The following TPP2 variants were observed in gnomAD, a reference collection of about 807,000 sequenced individuals.
TPP2 encodes tripeptidyl-peptidase 2.
Under a neutral mutation model 155.9 loss-of-function variants are expected in TPP2, and 34 were observed. The ratio of observed to expected loss-of-function variants is 0.22; its 90% CI spans 0.17 to 0.29. The LOEUF is 0.29. TPP2 is among the 10% of genes least tolerant of loss of function. The pLI, the probability that TPP2 is intolerant of heterozygous loss-of-function variation, is 1.00. For synonymous variants in TPP2, 510 were observed against 529.4 expected, an observed-to-expected ratio of 0.96 and a Z score of 0.50; for missense variants, 1,028 against 1,522.3, an observed-to-expected ratio of 0.68 and a Z score of 5.40.
At chr13:102,617,812 C>T (rs984306127) in intron 4 of TPP2, among the ~76,000 whole-genome samples, 1 of 152,118 alleles carries the variant, frequency 6.6e-6, no homozygotes, top group African/African-American at 2.4e-5. Context: ...CTCAACACTC[C>T]CCTTGTATCA....
chr13:102,621,902 T>G (rs541780809), intron 5 of TPP2, among the ~76,000 whole-genome samples: 5 of 152,362 alleles, frequency 3.3e-5, no homozygotes, highest in African/African-American at 1.2e-4. Context: ...TTTTACCCAC[T>G]AATCTCAAGC....
chr13:102,638,396 A>G, intron 15 of TPP2, 81 bp downstream of exon 15: 1 of 1,411,822 alleles, frequency 7.1e-7, no homozygotes, highest in Non-Finnish European at 9.9e-7. Flanking sequence ...ACTTTTAATG[A>G]TCACTAATAC....
At chr13:102,646,260 G>T in intron 19 of TPP2, 34 bp from the exon 20 acceptor site, 2 of 1,550,968 alleles carry the variant, frequency 1.3e-6, no homozygotes, top group Admixed American at 1.9e-5. Flanking sequence ...ATGAACTCTT[G>T]AATCAAACCA....
intron 27 of TPP2, among the ~76,000 whole-genome samples, chr13:102,666,028 G>A (rs547797648): frequency 6.6e-6 from 1 of 152,026 alleles, no homozygotes; most frequent in African/African-American, 2.4e-5. Flanking sequence ...TTTTGTTGTT[G>A]TTGTTAATAA....
intron 6 of TPP2, 150 bp downstream of exon 6, chr13:102,623,190 A>G: frequency 1.2e-6 from 1 of 849,342 alleles, no homozygotes; most frequent in Non-Finnish European, 1.8e-6. Context: ...GATTTGATTT[A>G]CCTGCAAGAT....
intron 27 of TPP2, among the ~76,000 whole-genome samples, chr13:102,671,487 A>G (rs930874832): frequency 6.6e-6 from 1 of 152,220 alleles, no homozygotes; most frequent in African/African-American, 2.4e-5. Flanking sequence ...GAGAAACAAC[A>G]GTGGCCATTA....
At chr13:102,632,570 A>G (rs1015261360) in intron 10 of TPP2, among the ~76,000 whole-genome samples, 3 of 152,206 alleles carry the variant, frequency 2.0e-5, no homozygotes, top group Non-Finnish European at 4.4e-5. Flanking sequence ...TGATTTAAAC[A>G]TCTAGAAATG....
chr13:102,627,991 A>T (rs895452329), intron 8 of TPP2, 67 bp downstream of exon 8: 1 of 1,282,808 alleles, frequency 7.8e-7, no homozygotes, highest in East Asian at 2.4e-5. Context: ...GATGTTTTTC[A>T]TAAGTGGATT....
intron 4 of TPP2, among the ~76,000 whole-genome samples, chr13:102,616,918 G>GTTTTTTT (rs67497572): frequency 2.8e-5 from 4 of 143,578 alleles, no homozygotes; most frequent in Non-Finnish European, 1.5e-5. Flanking sequence ...TTTGTTTTTT[G>GTTTTTTT]TTTTTTTTTT....
At chr13:102,625,779 A>AGAGAT in intron 6 of TPP2, among the ~76,000 whole-genome samples, 1 of 152,232 alleles carries the variant, frequency 6.6e-6, no homozygotes. Flanking sequence ...AAAGCCACAT[A>AGAGAT]GAGATGCCTG....
intron 26 of TPP2, among the ~76,000 whole-genome samples, 188 bp from the exon 27 acceptor site, chr13:102,664,606 GT>G (rs1306617362): frequency 6.6e-6 from 1 of 152,146 alleles, no homozygotes; most frequent in African/African-American, 2.4e-5. Flanking sequence ...CTGAGCTCAA[GT>G]TTTATAGAGA....
At chr13:102,657,022 A>G (rs1446571745) in intron 24 of TPP2, 34 bp from the exon 25 acceptor site, 2 of 1,562,970 alleles carry the variant, frequency 1.3e-6, no homozygotes, top group African/African-American at 2.8e-5. Flanking sequence ...AAAATTAAGC[A>G]TATTAATCTA....
intron 22 of TPP2, 102 bp from the exon 23 acceptor site, chr13:102,649,306 G>T (rs1191069048): frequency 4.1e-6 from 6 of 1,446,264 alleles, no homozygotes; most frequent in Non-Finnish European, 4.7e-6. Flanking sequence ...TTAGCTATGG[G>T]AATGAATTCA....
chr13:102,649,884 A>G (rs924866468), intron 23 of TPP2, among the ~76,000 whole-genome samples: 3 of 152,174 alleles, frequency 2.0e-5, no homozygotes, highest in African/African-American at 4.8e-5. Context: ...GATTATGGAC[A>G]TAGGAATAAA....
At chr13:102,634,307 A>G (rs1882225347) in intron 11 of TPP2, among the ~76,000 whole-genome samples, 1 of 152,218 alleles carries the variant, frequency 6.6e-6, no homozygotes, top group East Asian at 1.9e-4. Context: ...ACGACTGTCA[A>G]GCAGTATTTT....
At chr13:102,649,579 AAG>A in intron 23 of TPP2, 93 bp downstream of exon 23, 1 of 1,126,824 alleles carries the variant, frequency 8.9e-7, no homozygotes, top group Non-Finnish European at 1.2e-6. Context: ...GAATGGATAA[AAG>A]AGAAGATATA....
At chr13:102,615,586 G>A (rs1283185641) in intron 3 of TPP2, among the ~76,000 whole-genome samples, 1 of 152,116 alleles carries the variant, frequency 6.6e-6, no homozygotes, top group African/African-American at 2.4e-5. Flanking sequence ...GAAGATAAAG[G>A]TTAAAACCAA....
At chr13:102,627,976 T>TTC in intron 8 of TPP2, 52 bp downstream of exon 8, 1 of 1,435,344 alleles carries the variant, frequency 7.0e-7, no homozygotes, top group East Asian at 2.3e-5. Context: ...CAGTGAAGAG[T>TTC]ATGAGATGTT....
Position 102,638,082 on chromosome 13 carries a change from A to G in TPP2, c.1837-157A>G, listed in dbSNP as rs143585780. 5.8e-3 allele frequency among the ~76,000 whole-genome samples: 889 copies of G among 152,288 alleles called. 9 individuals are homozygous for G. Among genetic ancestry groups the G allele is most frequent in the African/African-American group, 0.021 (852 of 41,546 alleles). On this transcript the variant is annotated intron_variant, in intron 14 of 29. Transcript: ENST00000376052. ...TATACATTTGTTTGGGCTGTTTGCTATTAATTATGTGACCTAGTGTCAGGA... is the reference window on the plus strand; with the variant it reads ...TATACATTTGTTTGGGCTGTTTGCTGTTAATTATGTGACCTAGTGTCAGGA...
Sources: gnomAD v4.1 joint callset for allele counts (sites outside exome capture counted in the v4.1 genomes callset) on GRCh38, gnomAD v4.1.1 for gene constraint, MANE v1.5 for transcripts, NCBI Gene and HGNC (gene_info 2026-07-23, HGNC 2026-07-21) for gene names.